The following PRRT1B variants were observed in gnomAD, a reference collection of about 807,000 sequenced individuals.
The protein encoded by PRRT1B is proline rich transmembrane protein 1B, also known as dispanin subfamily D member 2.
chr9:131,554,605 G>A lies in PRRT1B; in HGVS notation c.74G>A (p.Arg25Gln), dbSNP rs1588551282. The A allele has an allele frequency of 1.8e-5, 7 of 385,546 alleles. No homozygotes were observed. The East Asian group carries it at 2.6e-4, about 14-fold the overall frequency. 23.9% of individuals were successfully genotyped at this position (385,546 alleles called of 1,614,324 possible). The change falls in exon 2 of 4, where the codon CGG becomes CAG. Residue 25 changes from arginine to glutamine, a missense_variant. Arg to Gln is a conservative substitution (Grantham distance 43). Coordinates refer to ENST00000636672, the Ensembl canonical transcript of PRRT1B. ...AGCCCCGCCACCCCCGAGGACCCCC[G>A]GAGCCCCGCGAAGCCCGCCGCCCCC...
chr9:131,546,476 G>A (rs1950975627), intron 1 of PRRT1B, among the ~76,000 whole-genome samples: 1 of 152,126 alleles, frequency 6.6e-6, no homozygotes. Flanking sequence ...GAAGCAGTGG[G>A]GCGGTGGCAG....
chr9:131,545,670 G>C (rs866088120), intron 1 of PRRT1B, 30 bp downstream of exon 1: 13 of 317,618 alleles, frequency 4.1e-5, no homozygotes, highest in Non-Finnish European at 6.5e-5. Flanking sequence ...TGGTGGGACA[G>C]GTACTGGCGG....
intron 3 of PRRT1B, among the ~76,000 whole-genome samples, chr9:131,557,413 C>A (rs987724946): frequency 2.0e-5 from 3 of 152,182 alleles, no homozygotes; most frequent in South Asian, 4.1e-4. Context: ...GGGGCAGGCA[C>A]CTTAGTCCCA....
intron 1 of PRRT1B, among the ~76,000 whole-genome samples, chr9:131,553,120 G>T (rs12115722): frequency 0.09 from 13,715 of 152,104 alleles, 800 homozygotes; most frequent in Admixed American, 0.14. Context: ...TTTAAAAAAT[G>T]GTGCTAAATA....
intron 1 of PRRT1B, among the ~76,000 whole-genome samples, chr9:131,552,695 C>T (rs1431850175): frequency 7.4e-5 from 11 of 147,974 alleles, no homozygotes; most frequent in South Asian, 2.1e-4. Context: ...TTTTTTGAGA[C>T]GGAGTCTCAC....
At chr9:131,549,878 A>C (rs1206152161) in intron 1 of PRRT1B, among the ~76,000 whole-genome samples, 4 of 152,058 alleles carry the variant, frequency 2.6e-5, no homozygotes, top group Non-Finnish European at 5.9e-5. Context: ...CATTTCAACT[A>C]AATTATCTGC....
chr9:131,555,059 C>T (rs1564417942), intron 2 of PRRT1B, 30 bp downstream of exon 2: 1 of 388,816 alleles, frequency 2.6e-6, no homozygotes, highest in Non-Finnish European at 4.5e-6. Flanking sequence ...GGCGCGCTCC[C>T]CTCCGTGCTG....
chr9:131,550,323 A>G (rs993106863), intron 1 of PRRT1B, among the ~76,000 whole-genome samples: 2 of 152,132 alleles, frequency 1.3e-5, no homozygotes, highest in Non-Finnish European at 2.9e-5. Flanking sequence ...GATCTCAAAC[A>G]TGCTTTCTTT....
At chr9:131,555,967 G>A (rs376768991) in intron 2 of PRRT1B, 103 bp from the exon 3 acceptor site, 4 of 398,064 alleles carry the variant, frequency 1.0e-5, no homozygotes, top group African/African-American at 6.2e-5. Context: ...GGGGACTTGG[G>A]GGACTGAGTG....
intron 1 of PRRT1B, among the ~76,000 whole-genome samples, chr9:131,549,222 T>C (rs12341826): frequency 0.22 from 32,913 of 152,042 alleles, 7,160 homozygotes; most frequent in African/African-American, 0.56. Flanking sequence ...CAAGTAGCAG[T>C]GTATTTCCGA....
exon 2 of PRRT1B, chr9:131,554,905 T>A: frequency 2.6e-6 from 1 of 383,100 alleles, no homozygotes; most frequent in Non-Finnish European, 4.6e-6. Flanking sequence ...TTCCCGCAGG[T>A]GCCCGTGGTC....
exon 2 of PRRT1B, chr9:131,554,949 C>T (rs558690701): frequency 5.1e-6 from 2 of 389,938 alleles, no homozygotes; most frequent in Non-Finnish European, 9.1e-6. Flanking sequence ...CTTCCCGCCG[C>T]CCGCCCAGCT....
chr9:131,559,452 A>G (rs1254655851), downstream of PRRT1B, among the ~76,000 whole-genome samples: 1 of 152,082 alleles, frequency 6.6e-6, no homozygotes, highest in Non-Finnish European at 1.5e-5. Context: ...AAAACAAACA[A>G]CCATTGCAGA....
chr9:131,545,534 C>T (rs149990183), exon 1 of PRRT1B: 13,397 of 394,748 alleles, frequency 0.034, 308 homozygotes, highest in Non-Finnish European at 0.042. Context: ...AACCTGAGCC[C>T]GCGGCGCAAG....
At chr9:131,557,027 C>T (rs1417575171) in intron 3 of PRRT1B, among the ~76,000 whole-genome samples, 1 of 152,032 alleles carries the variant, frequency 6.6e-6, no homozygotes, top group East Asian at 1.9e-4. Context: ...CATCCACTCA[C>T]CCCACTATTC....
intron 1 of PRRT1B, among the ~76,000 whole-genome samples, chr9:131,552,046 G>A (rs1951015705): frequency 6.6e-6 from 1 of 152,188 alleles, no homozygotes; most frequent in African/African-American, 2.4e-5. Context: ...ACCCGCCTCG[G>A]CCTCCCAAAC....
At chr9:131,545,668 C>T (rs1950968765) in intron 1 of PRRT1B, 28 bp downstream of exon 1, 2 of 316,538 alleles carry the variant, frequency 6.3e-6, no homozygotes, top group Non-Finnish European at 1.0e-5. Flanking sequence ...GCTGGTGGGA[C>T]AGGTACTGGC....
chr9:131,552,028 A>G (rs1209540306), intron 1 of PRRT1B, among the ~76,000 whole-genome samples: 1 of 152,058 alleles, frequency 6.6e-6, no homozygotes, highest in African/African-American at 2.4e-5. Context: ...CCTGACCTCA[A>G]CTGACCCACC....
intron 1 of PRRT1B, among the ~76,000 whole-genome samples, chr9:131,552,045 G>A (rs1951015691): frequency 1.3e-5 from 2 of 152,014 alleles, no homozygotes; most frequent in South Asian, 4.2e-4. Context: ...CACCCGCCTC[G>A]GCCTCCCAAA....
Sources: allele counts gnomAD v4.1 joint callset (sites outside exome capture counted in the v4.1 genomes callset), GRCh38; gene constraint gnomAD v4.1.1; transcripts MANE v1.5; gene names NCBI Gene and HGNC (gene_info 2026-07-23, HGNC 2026-07-21).